The following CUBN variants were observed in gnomAD, a reference collection of about 807,000 sequenced individuals.
CUBN encodes cubilin, also known as 460 kDa receptor.
Under a neutral mutation model 405.3 loss-of-function variants are expected in CUBN, and 282 were observed. That is an observed-to-expected ratio of 0.70 (90% CI 0.63 to 0.77). The LOEUF is 0.77. Ranked by LOEUF, CUBN falls within the 30% of genes least tolerant of loss-of-function variation. The pLI, the probability that CUBN is intolerant of heterozygous loss-of-function variation, is 0.00. For synonymous variants in CUBN, 1,684 were observed against 1,617.0 expected, an observed-to-expected ratio of 1.04 and a Z score of -0.99; for missense variants, 4,514 against 4,475.2, an observed-to-expected ratio of 1.01 and a Z score of -0.25.
chr10:17,032,122 T>C (rs1488583757), intron 27 of CUBN, among the ~76,000 whole-genome samples: 2 of 152,128 alleles, frequency 1.3e-5, no homozygotes, highest in African/African-American at 4.8e-5. Flanking sequence ...GGAATGGAGA[T>C]GGCATTTGCA....
chr10:16,896,008 T>C (rs1171171198), intron 54 of CUBN, among the ~76,000 whole-genome samples: 1 of 152,196 alleles, frequency 6.6e-6, no homozygotes, highest in Non-Finnish European at 1.5e-5. Context: ...TTTCTGTACA[T>C]TTCTTCACAC....
intron 27 of CUBN, among the ~76,000 whole-genome samples, chr10:17,028,546 C>G (rs1273588227): frequency 6.6e-6 from 1 of 151,762 alleles, no homozygotes; most frequent in Non-Finnish European, 1.5e-5. Context: ...CAAGGCGAAA[C>G]CCTGTCTCTA....
At position 17,105,480 on chromosome 10, in the gene CUBN, G is replaced by C; in HGVS notation, c.1207C>G (p.Pro403Ala). The C allele has an allele frequency of 1.2e-6, 2 of 1,602,732 alleles. No homozygotes were observed. The highest frequency in any genetic ancestry group is 1.7e-6 in the Non-Finnish European group (2 of 1,169,410). Residue 403 changes from proline (P) to alanine (A), a missense_variant, in exon 11 of 67, where the codon CCC (proline) becomes GCC (alanine). Pro to Ala is a conservative substitution (Grantham distance 27). This residue lies in a region of CUBN where 1,448 missense variants were observed against 1,388.0 expected (regional missense o/e 1.04). Transcript: ENST00000377833. ...VQLSNICLSH[P>A]CLNGQCIDTV... ...ACGATGCATTGTCCATTTAGACAGGGGTGACTTAGGCAAATATTACTGAGC... is the reference window on the plus strand; with the variant it reads ...ACGATGCATTGTCCATTTAGACAGGCGTGACTTAGGCAAATATTACTGAGC...
chr10:16,903,357 A>G (rs1377943886), intron 51 of CUBN, among the ~76,000 whole-genome samples: 1 of 152,140 alleles, frequency 6.6e-6, no homozygotes, highest in Non-Finnish European at 1.5e-5. Context: ...TGTCATAGTC[A>G]CATCCAGGTC....
intron 31 of CUBN, among the ~76,000 whole-genome samples, chr10:16,968,907 A>C (rs1424768258): frequency 2.6e-5 from 4 of 152,200 alleles, no homozygotes; most frequent in Non-Finnish European, 5.9e-5. Context: ...TACACCAGAC[A>C]CTTGAAGGTG....
chr10:16,847,734 G>A (rs541827316), intron 60 of CUBN, among the ~76,000 whole-genome samples: 4 of 152,160 alleles, frequency 2.6e-5, no homozygotes, highest in Admixed American at 6.5e-5. Flanking sequence ...AATTCACTAC[G>A]TGATTCAGTT....
intron 8 of CUBN, among the ~76,000 whole-genome samples, chr10:17,112,155 A>C (rs1028883586): frequency 6.6e-6 from 1 of 152,140 alleles, no homozygotes; most frequent in African/African-American, 2.4e-5. Context: ...AAATTATAAG[A>C]ATTCTTAAAA....
At chr10:17,115,721 A>C in intron 6 of CUBN, 124 bp from the exon 7 acceptor site, 3 of 1,225,154 alleles carry the variant, frequency 2.4e-6, no homozygotes, top group Non-Finnish European at 3.6e-6. Flanking sequence ...ATCGTCAGCC[A>C]GCAATGCAAA....
In CUBN at chr10:17,087,480, T is replaced by TA. The variant is rs1214891642; in HGVS notation, c.1947+683_1947+684insT. On this transcript the variant is annotated intron_variant, in intron 15 of 66. Coordinates refer to ENST00000377833, the MANE Select transcript of CUBN (RefSeq NM_001081.4). Reference sequence around the variant, plus strand: ...CTATTATTTTTCTTTTTCTTTTTTTTTTTTTTTTTTTTTTAGACAGAGCCT... The same window carrying TA: ...CTATTATTTTTCTTTTTCTTTTTTTTATTTTTTTTTTTTTTAGACAGAGCCT... Among the ~76,000 whole-genome samples the TA allele has an allele frequency of 1.0e-3, 129 of 124,346 alleles. 3 individuals are homozygous for TA. Among genetic ancestry groups the TA allele is most frequent in the African/African-American group, 3.5e-3 (125 of 36,016 alleles). The allele number at this position is 124,346 out of a possible 152,430, so 81.6% of individuals were successfully genotyped here. A position where few individuals can be genotyped will look rare whatever the true frequency, so the allele number is the denominator to read the frequency against.
chr10:17,044,949 C>T, intron 25 of CUBN, 58 bp downstream of exon 25: 2 of 1,473,416 alleles, frequency 1.4e-6, no homozygotes, highest in Admixed American at 3.3e-5. Context: ...AAAATAAGTG[C>T]ATTGTGCGTT....
At chr10:16,896,972 T>G (rs1238792406) in intron 54 of CUBN, among the ~76,000 whole-genome samples, 2 of 152,238 alleles carry the variant, frequency 1.3e-5, no homozygotes, top group African/African-American at 2.4e-5. Flanking sequence ...TGTTCTTTAT[T>G]TATGTTAGTG....
intron 41 of CUBN, among the ~76,000 whole-genome samples, chr10:16,927,886 G>T (rs1442773334): frequency 1.3e-5 from 2 of 152,180 alleles, no homozygotes; most frequent in African/African-American, 2.4e-5. Flanking sequence ...TCTCTCTCAT[G>T]CATTCCCTGG....
At chr10:17,090,928 A>T (rs1009501397) in intron 14 of CUBN, among the ~76,000 whole-genome samples, 3 of 152,044 alleles carry the variant, frequency 2.0e-5, no homozygotes, top group Non-Finnish European at 2.9e-5. Context: ...ACAACAAAAA[A>T]GTTTTTTCTA....
rs753351790 is a variant in CUBN at position 16,851,386 on chromosome 10, G to A, written c.9512C>T (p.Pro3171Leu). 1.9e-6 allele frequency: 3 copies of A among 1,614,116 alleles called. No individual in the cohort carries two copies. Among genetic ancestry groups the A allele is most frequent in the Non-Finnish European group, 1.7e-6 (2 of 1,180,004 alleles). ...ATACATTCCATTCGAATCAGAATCA[G>A]GAGAGGCAAAGGTATTATTCGAGCC... Reference protein sequence around the residue: ...LTGSNNTFASPDSDSNGMYDK... With the variant: ...LTGSNNTFASLDSDSNGMYDK... Residue 3171 changes from proline to leucine, a missense_variant, in exon 60 of 67, where the codon CCT becomes CTT. Around this residue, in one of 5 missense-constraint regions of CUBN, gnomAD observed 1,186 missense variants for 1,186.9 expected, o/e 1.00. Coordinates refer to ENST00000377833, the MANE Select transcript of CUBN (RefSeq NM_001081.4).
intron 55 of CUBN, among the ~76,000 whole-genome samples, chr10:16,889,942 A>AAAAAAAAAAAAAAAGCAAACAAAC (rs1554788548): frequency 7.3e-6 from 1 of 136,222 alleles, no homozygotes; most frequent in African/African-American, 2.9e-5. Flanking sequence ...TGTCAAAAAA[A>AAAAAAAAAAAAAAAGCAAACAAAC]AAAAAAAAAA....
At chr10:16,968,037 G>C (rs1470691430) in intron 31 of CUBN, among the ~76,000 whole-genome samples, 11 of 151,708 alleles carry the variant, frequency 7.3e-5, no homozygotes, top group African/African-American at 2.7e-4. Flanking sequence ...GGAGGGGAGA[G>C]AGAGAGACTG....
At chr10:16,915,743 G>A in intron 46 of CUBN, 78 bp downstream of exon 46, 1 of 1,247,172 alleles carries the variant, frequency 8.0e-7, no homozygotes, top group South Asian at 1.2e-5. Flanking sequence ...GCCTTTCTTG[G>A]AAGTGAAGAA....
At chr10:17,038,119 T>C (rs187474151) in intron 27 of CUBN, among the ~76,000 whole-genome samples, 4 of 152,242 alleles carry the variant, frequency 2.6e-5, no homozygotes, top group African/African-American at 9.6e-5. Context: ...CACCTCTTAG[T>C]GTTCCTACTT....
chr10:16,919,970 T>C lies in CUBN; in HGVS notation c.6814A>G (p.Thr2272Ala). The C allele has an allele frequency of 3.1e-6, 5 of 1,612,972 alleles. No homozygotes were observed. The highest frequency in any genetic ancestry group is 4.2e-6 in the Non-Finnish European group (5 of 1,179,914). The stretch of plus-strand genomic sequence containing the variant: ...AAAATGGAAGTGACATACTTGGGTG[T>C]TACTTCAATATCGAATCGATCTTCA... ...QFEDRFDIEV[T>A]PNCTSNYLEL... Residue 2272 changes from threonine (T) to alanine (A), a missense_variant, in exon 44 of 67, where the codon ACA becomes GCA. By Grantham distance (58) the Thr-to-Ala change is moderately conservative. This residue lies in a region of CUBN where 1,613 missense variants were observed against 1,542.8 expected (regional missense o/e 1.05). Coordinates refer to ENST00000377833, the MANE Select transcript of CUBN (RefSeq NM_001081.4).
Sources: allele counts gnomAD v4.1 joint callset (sites outside exome capture counted in the v4.1 genomes callset), GRCh38; gene constraint gnomAD v4.1.1; regional missense constraint gnomAD v4.1.1; transcripts MANE v1.5; gene names NCBI Gene and HGNC (gene_info 2026-07-23, HGNC 2026-07-21).